Variants in THBS3 observed in about 807,000 individuals in gnomAD.
THBS3 encodes the protein thrombospondin 3, also known as thrombospondin-3.
Under a neutral mutation model 118.3 loss-of-function variants are expected in THBS3, and 78 were observed. The observed-to-expected ratio is 0.66, with a 90% CI of 0.55 to 0.80. The LOEUF (loss-of-function observed/expected upper bound fraction) is 0.80. Ranked by LOEUF, THBS3 falls within the 30% of genes least tolerant of loss-of-function variation. THBS3 has a pLI of 0.00. For synonymous variants in THBS3, 427 were observed against 475.3 expected (o/e 0.90, Z 1.32); for missense variants, 1,057 against 1,247.4 (o/e 0.85, Z 2.30).
rs1670639327 is a variant in THBS3, at chr1:155,206,951, C to T, written c.80-545G>A. Among the ~76,000 whole-genome samples the T allele has an allele frequency of 6.6e-6, 1 of 152,166 alleles. No individual in the cohort carries two copies. Among genetic ancestry groups the T allele is most frequent in the South Asian group, 2.1e-4 (1 of 4,828 alleles). On this transcript the variant is annotated intron_variant, in intron 1 of 22. Transcript: ENST00000368378. This position sits in a 1 kb window ranked among gnomAD's most constrained non-coding sequence, Gnocchi z 4.2. Reference sequence around the variant, plus strand: ...ATTGCCTATTACTACCTTCCAGGAACCTGCAGGTTTGAGACTCACTTGGAA... The same window carrying T: ...ATTGCCTATTACTACCTTCCAGGAATCTGCAGGTTTGAGACTCACTTGGAA...
In THBS3 at chr1:155,202,122, C is replaced by T; in HGVS notation, c.1099-88G>A. On this transcript the variant is annotated intron_variant, in intron 9 of 22. Coordinates refer to ENST00000368378, the MANE Select transcript of THBS3 (RefSeq NM_007112.5). This position sits in a 1 kb window ranked among gnomAD's most constrained non-coding sequence, Gnocchi z 5.5. Reference sequence around the variant, plus strand: ...ACACTGGTATGGCCTTATCTGTGAACATCAACATTAAGCCCAGACCCAAAG... The same window carrying T: ...ACACTGGTATGGCCTTATCTGTGAATATCAACATTAAGCCCAGACCCAAAG... The T allele has an allele frequency of 6.2e-7, 1 of 1,608,298 alleles. No homozygotes were observed. Among genetic ancestry groups the T allele is most frequent in the Non-Finnish European group, 8.5e-7 (1 of 1,176,126 alleles).
rs983707596 is a variant in THBS3, at chr1:155,197,991, T to C, written c.2253+51A>G. 9 of 1,613,966 alleles carry C rather than the reference T, an allele frequency of 5.6e-6. No individual in the cohort carries two copies. The highest frequency in any genetic ancestry group is 1.7e-5 in the Admixed American group (1 of 60,014). On this transcript the variant is annotated intron_variant, in intron 18 of 22. Coordinates refer to ENST00000368378, the MANE Select transcript of THBS3 (RefSeq NM_007112.5). The surrounding 1 kb of genome is among the most constrained non-coding windows in gnomAD (Gnocchi z 5.0). The stretch of plus-strand genomic sequence containing the variant: ...TGTGCTATCCCTCCCAGGCCCCCCG[T>C]CCCAGTAGCCCTGTCTGATAGCACC...
rs1360216080 is a variant in THBS3 at position 155,206,211 on chromosome 1, T to C, written c.275A>G (p.Lys92Arg). 2 of 1,613,888 alleles carry C rather than the reference T, an allele frequency of 1.2e-6. No homozygotes were observed. Among genetic ancestry groups the C allele is most frequent in the East Asian group, 4.5e-5 (2 of 44,890 alleles). ...TRWLEASVVG[K>R]INKVLVRYQR... ...TGCCCACCAGTCACCTTTGTTGATC[T>C]TGCCTACAACAGAGGCCTCCAGCCA... is the stretch of plus-strand genomic sequence containing the variant. The change falls in exon 2 of 23, where the codon AAG becomes AGG. Residue 92 changes from lysine to arginine, a missense_variant. Lys to Arg is a conservative substitution (Grantham distance 26). Transcript: ENST00000368378. The surrounding 1 kb of genome is among the most constrained non-coding windows in gnomAD (Gnocchi z 4.2).
chr1:155,199,114 CA>C (rs1226512418), intron 16 of THBS3, among the ~76,000 whole-genome samples: 90 of 130,606 alleles, frequency 6.9e-4, no homozygotes, highest in Middle Eastern at 4.7e-3. Flanking sequence ...GACTCCATCT[CA>C]AAAAAAAAAA....
chr1:155,197,400 TG>T lies in THBS3; in HGVS notation c.2499+62del. On this transcript the variant is annotated intron_variant, in intron 20 of 22. Coordinates refer to ENST00000368378, the MANE Select transcript of THBS3 (RefSeq NM_007112.5). This position sits in a 1 kb window ranked among gnomAD's most constrained non-coding sequence, Gnocchi z 5.0. ...CCCAGTCAAGCAGTGGGGGAGGCCC[TG>T]GGGCTGCAGAGGAGAGCTTTGGGAA... 6.3e-7 allele frequency: 1 copy of T among 1,578,296 alleles called. No individual in the cohort carries two copies.
chr1:155,207,813 T>A lies in THBS3; in HGVS notation c.64A>T (p.Ser22Cys), dbSNP rs750995383. Residue 22 changes from serine to cysteine, a missense_variant, in exon 1 of 23, where the codon AGT (serine) becomes TGT (cysteine). By Grantham distance (112) the Ser-to-Cys change is moderately radical. Transcript: ENST00000368378. ...ACAGGCTTACCCTGCAGATCCTGAC[T>A]GGCAGATGTGAAAAAGCAAAGGAGG... ...LLLLCFFTSA[S>C]QDLQVIDLLT... The A allele has an allele frequency of 6.2e-7, 1 of 1,614,058 alleles. No individual in the cohort carries two copies. The highest frequency in any genetic ancestry group is 1.1e-5 in the South Asian group (1 of 91,082).
chr1:155,200,552 C>T lies in THBS3; in HGVS notation c.1607G>A (p.Gly536Asp). The stretch of plus-strand genomic sequence containing the variant: ...GTTGGGGCAATTGTCACAGGCATCA[C>T]CAAATGAATCTGTATCTGAGTTCTG... ...DQQNSDTDSF[G>D]DACDNCPNVP... Residue 536 changes from glycine to aspartate, a missense_variant, in exon 14 of 23, where the codon GGT becomes GAT. Gly to Asp is a moderately conservative substitution (Grantham distance 94). This residue lies in a region of THBS3 where 544 missense variants were observed against 715.6 expected (regional missense o/e 0.76). Coordinates refer to ENST00000368378, the MANE Select transcript of THBS3 (RefSeq NM_007112.5). 3.1e-6 allele frequency: 5 copies of T among 1,614,218 alleles called. No homozygotes were observed. Among genetic ancestry groups the T allele is most frequent in the Non-Finnish European group, 4.2e-6 (5 of 1,180,036 alleles).
At position 155,197,566 on chromosome 1, in the gene THBS3, TG is replaced by T; in HGVS notation, c.2395del (p.Gln799LysfsTer8). 6.2e-7 allele frequency: 1 copy of T among 1,613,310 alleles called. No individual in the cohort carries two copies. The highest frequency in any genetic ancestry group is 8.5e-7 in the Non-Finnish European group (1 of 1,179,954). On this transcript the variant is annotated frameshift_variant, in exon 20 of 23. Coordinates refer to ENST00000368378, the MANE Select transcript of THBS3 (RefSeq NM_007112.5). LOFTEE classifies it high-confidence loss of function. This position sits in a 1 kb window ranked among gnomAD's most constrained non-coding sequence, Gnocchi z 5.0. ...GACTACGTAGAAGCGGCCACTGTCTTGATAACTGAAGAGAAAGCCTGCGTAG... is the reference window on the plus strand; with the variant it reads ...GACTACGTAGAAGCGGCCACTGTCTTATAACTGAAGAGAAAGCCTGCGTAG... ...DDYAGFLFSY[Q>X]DSGRFYVVMW...
Position 155,200,010 on chromosome 1 carries a change from C to G in THBS3, c.1812G>C (p.Met604Ile). 6.3e-7 allele frequency: 1 copy of G among 1,599,446 alleles called. No individual in the cohort carries two copies. Among genetic ancestry groups the G allele is most frequent in the Non-Finnish European group, 8.5e-7 (1 of 1,171,822 alleles). Residue 604 changes from methionine to isoleucine, a missense_variant, in exon 15 of 23, where the codon ATG (methionine) becomes ATC (isoleucine). By Grantham distance (10) the Met-to-Ile change is conservative. Around this residue, in one of 3 missense-constraint regions of THBS3, gnomAD observed 544 missense variants for 715.6 expected, o/e 0.76. Transcript: ENST00000368378. ...VGDACDSCPE[M>I]SNPTQTDADS... ...CTCCCTGTACCTGGGTAGGATTGCT[C>G]ATTTCAGGGCAGCTGTCGCAAGCAT...
upstream of THBS3, chr1:155,208,976 ACGAGGCGCCGTGACTCTC>A (rs776070150): frequency 2.5e-6 from 4 of 1,606,462 alleles, no homozygotes; most frequent in Non-Finnish European, 3.4e-6. Flanking sequence ...CTCCACTTGG[ACGAGGCGCCGTGACTCTC>A]CGAGGCGCGC....
chr1:155,199,057 T>A (rs1397755570), intron 16 of THBS3, among the ~76,000 whole-genome samples: 1 of 145,802 alleles, frequency 6.9e-6, no homozygotes, highest in African/African-American at 2.6e-5. Flanking sequence ...GAGGTGGAGG[T>A]CGCAGTGAGC....
chr1:155,208,775 C>T, upstream of THBS3: 1 of 1,471,062 alleles, frequency 6.8e-7, no homozygotes, highest in Non-Finnish European at 9.0e-7. Flanking sequence ...GGCGCAGGGC[C>T]CGCTCCAAAC....
At chr1:155,198,293 C>A in intron 17 of THBS3, 73 bp from the exon 18 acceptor site, 1 of 1,592,266 alleles carries the variant, frequency 6.3e-7, no homozygotes, top group South Asian at 1.1e-5. Context: ...ATCTGTTGGG[C>A]CTGCATTCCT....
chr1:155,197,976 C>T lies in THBS3; in HGVS notation c.2254-48G>A, dbSNP rs893685880. 1.2e-6 allele frequency: 2 copies of T among 1,614,024 alleles called. No individual in the cohort carries two copies. Among genetic ancestry groups the T allele is most frequent in the South Asian group, 1.1e-5 (1 of 91,078 alleles). On this transcript the variant is annotated intron_variant, in intron 18 of 22. Coordinates refer to ENST00000368378, the MANE Select transcript of THBS3 (RefSeq NM_007112.5). The surrounding 1 kb of genome is among the most constrained non-coding windows in gnomAD (Gnocchi z 5.0). ...AAGCTGTGATGCAGGTGTGCTATCC[C>T]TCCCAGGCCCCCCGTCCCAGTAGCC...
rs1241806751 is a variant in THBS3, at chr1:155,200,062, G to A, written c.1760C>T (p.Thr587Ile). 2 of 1,600,898 alleles carry A rather than the reference G, an allele frequency of 1.2e-6. No individual in the cohort carries two copies. The highest frequency in any genetic ancestry group is 1.7e-5 in the Admixed American group (1 of 58,076). Residue 587 changes from threonine to isoleucine, a missense_variant, in exon 15 of 23, where the codon ACA becomes ATA. Physicochemically the swap from Thr to Ile is moderately conservative, Grantham distance 89. Coordinates refer to ENST00000368378, the MANE Select transcript of THBS3 (RefSeq NM_007112.5). Reference protein sequence around the residue: ...NCPKVPNPLQTDRDEDGVGDA... With the variant: ...NCPKVPNPLQIDRDEDGVGDA... ...TCCCACCCCGTCCTCATCCCTGTCT[G>A]TCTGTAGTGGGTTGGGGACTTTAGG...
intron 10 of THBS3, 51 bp from the exon 11 acceptor site, chr1:155,201,620 C>A: frequency 6.3e-7 from 1 of 1,582,054 alleles, no homozygotes; most frequent in Non-Finnish European, 8.6e-7. Context: ...CCACCAGGCA[C>A]CCAGGACCAG....
rs1190232850 is a variant in THBS3 at position 155,202,708 on chromosome 1, C to G, written c.957+104G>C. 4.1e-6 allele frequency: 6 copies of G among 1,480,758 alleles called. No homozygotes were observed. Among genetic ancestry groups the G allele is most frequent in the Non-Finnish European group, 5.4e-6 (6 of 1,102,824 alleles). 91.7% of individuals were successfully genotyped at this position (1,480,758 alleles called of 1,614,324 possible). A position where few individuals can be genotyped will look rare whatever the true frequency, so the allele number is the denominator to read the frequency against. On this transcript the variant is annotated intron_variant, in intron 8 of 22. Transcript: ENST00000368378. The surrounding 1 kb of genome is among the most constrained non-coding windows in gnomAD (Gnocchi z 5.5). ...TCTTGCCTCTGACCTCTCCTAAACT[C>G]CAGATTCCTCTCCTCCGGACCAGCA...
rs1354148155 is a variant in THBS3, at chr1:155,206,485, C to T, written c.80-79G>A. The T allele has an allele frequency of 1.6e-6, 2 of 1,241,332 alleles. No individual in the cohort carries two copies. The highest frequency in any genetic ancestry group is 2.3e-6 in the Non-Finnish European group (2 of 877,630). The allele number at this position is 1,241,332 out of a possible 1,614,324, so 76.9% of individuals were successfully genotyped here. On this transcript the variant is annotated intron_variant, in intron 1 of 22. Coordinates refer to ENST00000368378, the MANE Select transcript of THBS3 (RefSeq NM_007112.5). This position sits in a 1 kb window ranked among gnomAD's most constrained non-coding sequence, Gnocchi z 4.2. ...GCCCTCCCCCGAGCCCACATCACCCCCTACCCCCACCACCAGGCAGCGTTA... is the reference window on the plus strand; with the variant it reads ...GCCCTCCCCCGAGCCCACATCACCCTCTACCCCCACCACCAGGCAGCGTTA...
At chr1:155,208,355 C>A (rs1425715155), upstream of THBS3, among the ~76,000 whole-genome samples, 1 of 152,156 alleles carries the variant, frequency 6.6e-6, no homozygotes, top group African/African-American at 2.4e-5. Flanking sequence ...GCTGTTCTGG[C>A]GGAGCAAGTG....
Sources: gnomAD v4.1 joint callset for allele counts (sites outside exome capture counted in the v4.1 genomes callset) on GRCh38, gnomAD v4.1.1 for gene constraint, gnomAD v4.1.1 regional missense constraint, Gnocchi (gnomAD v3.1) non-coding constraint, MANE v1.5 for transcripts, NCBI Gene and HGNC (gene_info 2026-07-23, HGNC 2026-07-21) for gene names.